Variants in GALNT11 observed in about 807,000 individuals in gnomAD.
The protein encoded by GALNT11 is UDP-GalNAc:polypeptide N-acetylgalactosaminyltransferase 11.
A neutral mutation model predicts 72.7 loss-of-function variants in GALNT11; 47 were observed. The ratio of observed to expected loss-of-function variants is 0.65; its 90% CI spans 0.51 to 0.82. The LOEUF is 0.82. GALNT11 is among the 40% of genes least tolerant of loss of function. The probability of loss-of-function intolerance (pLI) is 0.00; values close to 1 mark genes in which losing one functional copy is unlikely to be tolerated. For missense variants in GALNT11, 677 were observed against 778.4 expected (o/e 0.87, Z 1.55); for synonymous variants, 270 against 286.6 (o/e 0.94, Z 0.58).
Position 152,027,706 on chromosome 7 carries a change from A to G in GALNT11, c.-39+1822A>G, listed in dbSNP as rs543969890. The G allele has an allele frequency of 1.0e-4, 16 of 154,510 alleles. No homozygotes were observed. The South Asian group carries it at 2.8e-3, about 27-fold the overall frequency. 9.6% of individuals were successfully genotyped at this position (154,510 alleles called of 1,614,324 possible). ...TCTCGCTGACTTCAAGAATGAAGCC[A>G]CGGACTGTCGCGGTGAGTGTTACAG... On this transcript the variant is annotated intron_variant, in intron 1 of 11. Coordinates refer to ENST00000430044, the MANE Select transcript of GALNT11 (RefSeq NM_022087.4).
At chr7:152,040,384 C>G (rs1357473920) in intron 1 of GALNT11, among the ~76,000 whole-genome samples, 2 of 152,202 alleles carry the variant, frequency 1.3e-5, no homozygotes, top group Non-Finnish European at 2.9e-5. Context: ...GAGGAACGCA[C>G]CACTTGGCAA....
intron 1 of GALNT11, among the ~76,000 whole-genome samples, chr7:152,086,145 C>T (rs1168306414): frequency 6.6e-6 from 1 of 151,096 alleles, no homozygotes; most frequent in Non-Finnish European, 1.5e-5. Flanking sequence ...CTCAGTCTCC[C>T]AAAGTGCTGG....
chr7:152,121,055 C>G, intron 11 of GALNT11, 87 bp downstream of exon 11: 1 of 1,496,136 alleles, frequency 6.7e-7, no homozygotes, highest in Non-Finnish European at 9.0e-7. Context: ...CATTTTCTAC[C>G]TTGGGGGTGG....
Position 152,094,274 on chromosome 7 carries a change from C to A in GALNT11, c.47C>A (p.Thr16Lys), listed in dbSNP as rs1463264898. ...VRYFCYGCLF[T>K]SATWTVLLFV... ...TATTTCTGTTATGGGTGCCTTTTTACATCTGCGACCTGGACAGTTTTGCTT... is the reference window on the plus strand; with the variant it reads ...TATTTCTGTTATGGGTGCCTTTTTAAATCTGCGACCTGGACAGTTTTGCTT... The change falls in exon 2 of 12, where the codon ACA (threonine) becomes AAA (lysine). Residue 16 changes from threonine (T) to lysine (K), a missense_variant. Coordinates refer to ENST00000430044, the MANE Select transcript of GALNT11 (RefSeq NM_022087.4). This position sits in a 1 kb window ranked among gnomAD's most constrained non-coding sequence, Gnocchi z 4.3. The A allele has an allele frequency of 1.2e-6, 2 of 1,612,740 alleles. No homozygotes were observed. The highest frequency in any genetic ancestry group is 2.7e-5 in the African/African-American group (2 of 74,818).
intron 1 of GALNT11, among the ~76,000 whole-genome samples, chr7:152,072,870 C>G (rs56004146): frequency 1.3e-5 from 2 of 152,204 alleles, no homozygotes; most frequent in South Asian, 4.1e-4. Flanking sequence ...GGATTGCTGA[C>G]GGGCACCACC....
intron 8 of GALNT11, 102 bp from the exon 9 acceptor site, chr7:152,117,055 T>C: frequency 2.1e-6 from 2 of 970,926 alleles, no homozygotes; most frequent in South Asian, 1.5e-5. Flanking sequence ...GTTATTATCA[T>C]TGTTAGTAAT....
intron 1 of GALNT11, among the ~76,000 whole-genome samples, chr7:152,042,409 T>G (rs1447836317): frequency 6.6e-6 from 1 of 152,256 alleles, no homozygotes; most frequent in Non-Finnish European, 1.5e-5. Context: ...GGGGAAAATG[T>G]TGGAGCTATG....
chr7:152,063,320 T>C (rs1445267136), intron 1 of GALNT11, among the ~76,000 whole-genome samples: 1 of 152,198 alleles, frequency 6.6e-6, no homozygotes, highest in Non-Finnish European at 1.5e-5. Context: ...ATCCCCTTTA[T>C]CATTTTTTAT....
intron 7 of GALNT11, among the ~76,000 whole-genome samples, chr7:152,111,628 G>GTGTATA (rs553453480): frequency 0.024 from 3,441 of 144,746 alleles, 128 homozygotes; most frequent in African/African-American, 0.086. Context: ...GTGTGTGTGT[G>GTGTATA]TATATATATA....
At chr7:152,121,291 G>A (rs1013313038) in intron 11 of GALNT11, among the ~76,000 whole-genome samples, 6 of 152,202 alleles carry the variant, frequency 3.9e-5, no homozygotes, top group East Asian at 1.9e-4. Context: ...GGAGGTGGGC[G>A]GATCGCCGTA....
Position 152,103,247 on chromosome 7 carries a change from G to T in GALNT11, c.555G>T (p.Glu185Asp). The stretch of plus-strand genomic sequence containing the variant: ...GCACGCCAGCACACCTGCTTCATGA[G>T]ATCATCCTTGTGGATGATGATAGTG... ...IDRTPAHLLHEIILVDDDSDF... is the reference protein window; with the variant it reads ...IDRTPAHLLHDIILVDDDSDF... Residue 185 changes from glutamate (E) to aspartate (D), a missense_variant, in exon 4 of 12, where the codon GAG becomes GAT. By Grantham distance (45) the Glu-to-Asp change is conservative (BLOSUM62 2). Transcript: ENST00000430044. 1 of 1,613,592 alleles carries T rather than the reference G, an allele frequency of 6.2e-7. No homozygotes were observed. The highest frequency in any genetic ancestry group is 8.5e-7 in the Non-Finnish European group (1 of 1,179,590).
chr7:152,026,992 G>C (rs898050109), intron 1 of GALNT11, among the ~76,000 whole-genome samples: 4 of 152,230 alleles, frequency 2.6e-5, no homozygotes, highest in Non-Finnish European at 5.9e-5. Flanking sequence ...GCTCACGCCT[G>C]TAATCCCAGC....
intron 5 of GALNT11, chr7:152,107,111 G>T (rs1587412206): frequency 6.6e-6 from 1 of 152,116 alleles, no homozygotes; most frequent in East Asian, 1.9e-4. Flanking sequence ...AACATTTGGT[G>T]CTTTAAGTAG....
rs201132594 is a variant in GALNT11, at chr7:152,112,000, TA to T, written c.1081-1244del. On this transcript the variant is annotated intron_variant, in intron 7 of 11. Transcript: ENST00000430044. ...CGCATTATCTGTCTTCTCCAATTGCTAAGGTTTGAAAGGTGACAGCATAGGT... is the reference window on the plus strand; with the variant it reads ...CGCATTATCTGTCTTCTCCAATTGCTAGGTTTGAAAGGTGACAGCATAGGT... Among the ~76,000 whole-genome samples, 286 of 152,278 alleles carry T rather than the reference TA, an allele frequency of 1.9e-3. 9 individuals are homozygous for T. The East Asian group carries it at 0.048, about 25-fold the overall frequency.
chr7:152,040,039 C>T (rs1329210033), intron 1 of GALNT11, among the ~76,000 whole-genome samples: 2 of 151,972 alleles, frequency 1.3e-5, no homozygotes, highest in Non-Finnish European at 2.9e-5. Flanking sequence ...ATTCTTTCCA[C>T]TATGGCTTGT....
At chr7:152,110,475 T>C in intron 6 of GALNT11, 53 bp from the exon 7 acceptor site, 1 of 1,233,352 alleles carries the variant, frequency 8.1e-7, no homozygotes, top group Non-Finnish European at 1.2e-6. Flanking sequence ...ACAAAAGTAG[T>C]AGGTAAGATA....
chr7:152,038,407 C>T (rs1037715691), intron 1 of GALNT11, among the ~76,000 whole-genome samples: 3 of 152,344 alleles, frequency 2.0e-5, no homozygotes, highest in Admixed American at 6.5e-5. Flanking sequence ...AGGCCCAGAT[C>T]GCTTATGCTA....
chr7:152,045,402 G>A (rs1212587074), intron 1 of GALNT11, among the ~76,000 whole-genome samples: 5 of 152,140 alleles, frequency 3.3e-5, no homozygotes, highest in Non-Finnish European at 7.4e-5. Context: ...CAGCATTGAA[G>A]CCATTAGGTC....
chr7:152,034,385 G>C (rs1239558476), intron 1 of GALNT11, among the ~76,000 whole-genome samples: 1 of 152,144 alleles, frequency 6.6e-6, no homozygotes, highest in Non-Finnish European at 1.5e-5. Flanking sequence ...CAAGCTTCAG[G>C]ATAGTATTGT....
Sources: allele counts gnomAD v4.1 joint callset (sites outside exome capture counted in the v4.1 genomes callset), GRCh38; gene constraint gnomAD v4.1.1; non-coding constraint Gnocchi (gnomAD v3.1); transcripts MANE v1.5; gene names NCBI Gene and HGNC (gene_info 2026-07-23, HGNC 2026-07-21).